The following KIF26A variants were observed in gnomAD, a reference collection of about 807,000 sequenced individuals.
KIF26A encodes kinesin-like protein KIF26A.
A neutral mutation model predicts 126.0 loss-of-function variants in KIF26A; 74 were observed. The observed-to-expected ratio is 0.59, with a 90% CI of 0.49 to 0.71. KIF26A has a LOEUF of 0.71. KIF26A is among the 30% of genes least tolerant of loss of function. The pLI, the probability that KIF26A is intolerant of heterozygous loss-of-function variation, is 0.00. For synonymous variants in KIF26A, 1,445 were observed against 1,232.7 expected (o/e 1.17, Z -3.61); for missense variants, 2,984 against 2,763.3 (o/e 1.08, Z -1.79).
intron 1 of KIF26A, 119 bp downstream of exon 1, chr14:104,138,883 C>CA (rs2141084948): frequency 8.0e-7 from 1 of 1,249,216 alleles, no homozygotes; most frequent in Non-Finnish European, 1.0e-6. Context: ...AGCGGACCCG[C>CA]AGGCGGGACC....
chr14:104,177,863 C>G lies in KIF26A; in HGVS notation c.5075C>G (p.Thr1692Ser). ...GGGGCTGCCTCCCCAGGCGCCCGCACCCGCAGCCTCAAGTCCCCCAAGAAG... is the reference window on the plus strand; with the variant it reads ...GGGGCTGCCTCCCCAGGCGCCCGCAGCCGCAGCCTCAAGTCCCCCAAGAAG... Reference protein sequence around the residue: ...ESGAASPGARTRSLKSPKKRA... With the variant: ...ESGAASPGARSRSLKSPKKRA... The change falls in exon 12 of 15, where the codon ACC becomes AGC. Residue 1692 changes from threonine (T) to serine (S), a missense_variant. Coordinates refer to ENST00000423312, the MANE Select transcript of KIF26A (RefSeq NM_015656.2). The G allele has an allele frequency of 1.3e-6, 2 of 1,555,968 alleles. No homozygotes were observed. Among genetic ancestry groups the G allele is most frequent in the Non-Finnish European group, 1.7e-6 (2 of 1,157,718 alleles).
At position 104,173,021 on chromosome 14, in the gene KIF26A, C is replaced by T. The variant is rs532379589; in HGVS notation, c.1465C>T (p.Leu489=). The T allele has an allele frequency of 6.2e-7, 1 of 1,606,046 alleles. No individual in the cohort carries two copies. The highest frequency in any genetic ancestry group is 1.3e-5 in the African/African-American group (1 of 74,910). Residue 489 remains leucine (L), a synonymous_variant, in exon 8 of 15, where the codon CTG becomes TTG. Transcript: ENST00000423312. ...CGGGAAGGACAGCTCACCCCAGAGC[C>T]TGGGCATCGTGCCCTGCGCCATCTC... ...MIGKDSSPQS[L]GIVPCAISWL... is the part of the protein sequence containing the mutation.
rs980179298 is a variant in KIF26A, at chr14:104,148,310, G to A, written c.289-3705G>A. 6.6e-6 allele frequency among the ~76,000 whole-genome samples: 1 copy of A among 152,204 alleles called. No individual in the cohort carries two copies. ...TGTTTGATGCTAAATTGAATCAAAT[G>A]AAGAAAAACATTTTCCAAATGCAAG... is the stretch of plus-strand genomic sequence containing the variant. On this transcript the variant is annotated intron_variant, in intron 2 of 14. Coordinates refer to ENST00000423312, the MANE Select transcript of KIF26A (RefSeq NM_015656.2). The surrounding 1 kb of genome is among the most constrained non-coding windows in gnomAD (Gnocchi z 4.3).
chr14:104,151,570 G>A lies in KIF26A; in HGVS notation c.289-445G>A, dbSNP rs1420154250. Among the ~76,000 whole-genome samples the A allele has an allele frequency of 2.0e-5, 3 of 152,374 alleles. No homozygotes were observed. The highest frequency in any genetic ancestry group is 1.9e-4 in the East Asian group (1 of 5,180). ...CCGGGGCTGGAGACCTGAAGAGGAA[G>A]GGAGAGGGTCTCCTGCCCCTGGCTC... On this transcript the variant is annotated intron_variant, in intron 2 of 14. Transcript: ENST00000423312. The surrounding 1 kb of genome is among the most constrained non-coding windows in gnomAD (Gnocchi z 4.9).
intron 2 of KIF26A, among the ~76,000 whole-genome samples, chr14:104,141,389 C>G (rs1441962845): frequency 6.6e-6 from 1 of 152,234 alleles, no homozygotes; most frequent in Non-Finnish European, 1.5e-5. Context: ...TTACAGGGAA[C>G]TTCACAATCA....
At chr14:104,150,530 T>G (rs2037719340) in intron 2 of KIF26A, among the ~76,000 whole-genome samples, 1 of 152,032 alleles carries the variant, frequency 6.6e-6, no homozygotes, top group Middle Eastern at 3.2e-3. Context: ...CTGTTACCAC[T>G]GTGAGCCTCC....
At chr14:104,154,757 G>T (rs1038151333) in intron 3 of KIF26A, among the ~76,000 whole-genome samples, 1 of 152,238 alleles carries the variant, frequency 6.6e-6, no homozygotes, top group Non-Finnish European at 1.5e-5. Context: ...GGCCTTCAGA[G>T]CCCACAGTGG....
chr14:104,139,164 G>T lies in KIF26A; in HGVS notation c.164G>T (p.Gly55Val). The stretch of plus-strand genomic sequence containing the variant: ...AGCCGCCCTGCTCCCGAAGGCGCCG[G>T]GGCCGGCCCAGAGCAGGGCCACTCG... ...CGSRPAPEGA[G>V]AGPEQGHSAG... is the part of the protein sequence containing the mutation. Residue 55 changes from glycine (G) to valine (V), a missense_variant, in exon 2 of 15, where the codon GGG becomes GTG. Physicochemically the swap from Gly to Val is moderately radical, Grantham distance 109. Transcript: ENST00000423312. 1 of 1,524,226 alleles carries T rather than the reference G, an allele frequency of 6.6e-7. No individual in the cohort carries two copies. The allele number at this position is 1,524,226 out of a possible 1,614,324, so 94.4% of individuals were successfully genotyped here.
intron 4 of KIF26A, among the ~76,000 whole-genome samples, chr14:104,158,398 G>A (rs902383232): frequency 6.6e-6 from 1 of 152,234 alleles, no homozygotes; most frequent in Non-Finnish European, 1.5e-5. Flanking sequence ...ATTGGGGGCT[G>A]CCCGGGGGAG....
intron 3 of KIF26A, among the ~76,000 whole-genome samples, chr14:104,155,225 G>A (rs1484019560): frequency 2.0e-5 from 3 of 152,158 alleles, no homozygotes; most frequent in Non-Finnish European, 4.4e-5. Context: ...TGTTTATCTG[G>A]GGGGCTGGTG....
intron 2 of KIF26A, among the ~76,000 whole-genome samples, chr14:104,141,671 G>A (rs1449398329): frequency 1.7e-3 from 240 of 140,736 alleles, no homozygotes; most frequent in African/African-American, 6.6e-3. Context: ...CCAGCCTGCC[G>A]GGGTCTCCCT....
At chr14:104,172,026 G>A (rs913685337) in intron 6 of KIF26A, 91 bp downstream of exon 6, 12 of 1,242,916 alleles carry the variant, frequency 9.7e-6, no homozygotes, top group African/African-American at 1.5e-5. Context: ...GCTTCTCCGT[G>A]CAGGGCGCAG....
At position 104,175,171 on chromosome 14, in the gene KIF26A, C is replaced by A. The variant is rs2038004056; in HGVS notation, c.2383C>A (p.Pro795Thr). The A allele has an allele frequency of 3.1e-6, 5 of 1,606,910 alleles. No individual in the cohort carries two copies. The highest frequency in any genetic ancestry group is 4.2e-6 in the Non-Finnish European group (5 of 1,177,754). ...CTGTGACACGGTCATCTACGTGGGGCCCGGTGGGGCGGCGCTGTCAGACCG... is the reference window on the plus strand; with the variant it reads ...CTGTGACACGGTCATCTACGTGGGGACCGGTGGGGCGGCGCTGTCAGACCG... ...QSCDTVIYVG[P>T]GGAALSDREL... The change falls in exon 12 of 15, where the codon CCC (proline) becomes ACC (threonine). Residue 795 changes from proline to threonine, a missense_variant. Physicochemically the swap from Pro to Thr is conservative, Grantham distance 38. Transcript: ENST00000423312.
chr14:104,175,642 G>T lies in KIF26A; in HGVS notation c.2854G>T (p.Ala952Ser). ...AGGCAGGAGGCCACTGCCCAGCCCGGCTCCCCCACCTCCTCAGTTGCTGGA... is the reference window on the plus strand; with the variant it reads ...AGGCAGGAGGCCACTGCCCAGCCCGTCTCCCCCACCTCCTCAGTTGCTGGA... ...SGGRRPLPSP[A>S]PPPPQLLEAC... The change falls in exon 12 of 15, where the codon GCT becomes TCT. Residue 952 changes from alanine (A) to serine (S), a missense_variant. By Grantham distance (99) the Ala-to-Ser change is moderately conservative (BLOSUM62 1). Coordinates refer to ENST00000423312, the MANE Select transcript of KIF26A (RefSeq NM_015656.2). 6.2e-7 allele frequency: 1 copy of T among 1,610,354 alleles called. No individual in the cohort carries two copies. The highest frequency in any genetic ancestry group is 8.5e-7 in the Non-Finnish European group (1 of 1,179,428).
chr14:104,165,910 C>T (rs2037894089), intron 4 of KIF26A, among the ~76,000 whole-genome samples: 2 of 149,398 alleles, frequency 1.3e-5, no homozygotes, highest in South Asian at 2.1e-4. Context: ...CCAGTGGCTC[C>T]CAAGCATGCA....
chr14:104,179,095 GC>G, intron 13 of KIF26A, 140 bp from the exon 14 acceptor site: 3 of 1,004,348 alleles, frequency 3.0e-6, no homozygotes, highest in Non-Finnish European at 4.1e-6. Flanking sequence ...CCCCAGGTCC[GC>G]CCCCTGCCCG....
Position 104,179,480 on chromosome 14 carries a change from G to A in KIF26A, c.5467+94G>A, listed in dbSNP as rs545458731. 2,155 of 1,426,262 alleles carry A rather than the reference G, an allele frequency of 1.5e-3. 6 individuals carry two copies. The highest frequency in any genetic ancestry group is 4.2e-3 in the Admixed American group (159 of 37,422). The allele number at this position is 1,426,262 out of a possible 1,614,324, so 88.4% of individuals were successfully genotyped here. On this transcript the variant is annotated intron_variant, in intron 14 of 14. Transcript: ENST00000423312. The stretch of plus-strand genomic sequence containing the variant: ...GAGCCCTGTTGCTCTCCTGTACCTC[G>A]TGGTGGGAAGGCTGGAAGGCAGGGT...
At position 104,175,971 on chromosome 14, in the gene KIF26A, C is replaced by G. The variant is rs2038019240; in HGVS notation, c.3183C>G (p.Cys1061Trp). ...PTSLASFDSDCSLRALASGSR... is the reference protein window; with the variant it reads ...PTSLASFDSDWSLRALASGSR... ...GCCTGGCTAGCTTCGACAGTGACTG[C>G]TCCCTGCGGGCCCTGGCCTCGGGGT... Residue 1061 changes from cysteine to tryptophan, a missense_variant, in exon 12 of 15, where the codon TGC becomes TGG. Coordinates refer to ENST00000423312, the MANE Select transcript of KIF26A (RefSeq NM_015656.2). The G allele has an allele frequency of 5.7e-6, 9 of 1,574,548 alleles. No homozygotes were observed. Among genetic ancestry groups the G allele is most frequent in the Non-Finnish European group, 6.9e-6 (8 of 1,166,794 alleles).
At chr14:104,150,489 C>A (rs2037719005) in intron 2 of KIF26A, among the ~76,000 whole-genome samples, 1 of 151,978 alleles carries the variant, frequency 6.6e-6, no homozygotes, top group African/African-American at 2.4e-5. Context: ...GCCGCACATG[C>A]TTGGCTGGCA....
Sources: allele counts gnomAD v4.1 joint callset (sites outside exome capture counted in the v4.1 genomes callset), GRCh38; gene constraint gnomAD v4.1.1; non-coding constraint Gnocchi (gnomAD v3.1); transcripts MANE v1.5; gene names NCBI Gene and HGNC (gene_info 2026-07-23, HGNC 2026-07-21).